Variants in ABCA5 observed in about 807,000 individuals in gnomAD.
ABCA5 encodes the protein ATP binding cassette subfamily A member 5, also known as cholesterol transporter ABCA5.
ABCA5 carries 163 observed loss-of-function variants against 206.0 expected under a neutral mutation model. That is an observed-to-expected ratio of 0.79 (90% CI 0.70 to 0.90). The LOEUF (loss-of-function observed/expected upper bound fraction) is 0.90, where lower values mean the gene tolerates loss of function less well. Among genes scored for constraint, ABCA5 ranks in the 40% least tolerant of loss-of-function variants. ABCA5 has a pLI of 0.00. For synonymous variants in ABCA5, 609 were observed against 613.8 expected, an observed-to-expected ratio of 0.99 and a Z score of 0.11; for missense variants, 1,859 against 1,912.9, an observed-to-expected ratio of 0.97 and a Z score of 0.53.
At chr17:69,280,024 T>C (rs2075374670) in intron 18 of ABCA5, among the ~76,000 whole-genome samples, 1 of 151,970 alleles carries the variant, frequency 6.6e-6, no homozygotes, top group Non-Finnish European at 1.5e-5. Context: ...AAAGACAAAA[T>C]TGACAAATGG....
At chr17:69,310,526 A>T (rs1024398190) in intron 3 of ABCA5, among the ~76,000 whole-genome samples, 1 of 152,188 alleles carries the variant, frequency 6.6e-6, no homozygotes, top group Admixed American at 6.6e-5. Flanking sequence ...TCAGAAACTA[A>T]ATAGGCATTT....
chr17:69,261,171 A>G lies in ABCA5; in HGVS notation c.3518T>C (p.Ile1173Thr). 6.2e-7 allele frequency: 1 copy of G among 1,605,324 alleles called. No homozygotes were observed. Among genetic ancestry groups the G allele is most frequent in the Non-Finnish European group, 8.5e-7 (1 of 1,175,160 alleles). Residue 1173 changes from isoleucine to threonine, a missense_variant, in exon 26 of 39, where the codon ATC becomes ACC. Physicochemically the swap from Ile to Thr is moderately conservative, Grantham distance 89 (BLOSUM62 -1). Transcript: ENST00000392676. ...ATILHYAFCI[I>T]IPIYPLLGCL... ...ACCTAGAAGTGGATAGATTGGAATG[A>G]TGATACAAAAGGCATAATGAAGAAT...
rs746299297 is a variant in ABCA5, at chr17:69,287,705, C to T, written c.1949G>A (p.Arg650Gln). The T allele has an allele frequency of 7.4e-6, 12 of 1,613,658 alleles. No individual in the cohort carries two copies. Among genetic ancestry groups the T allele is most frequent in the South Asian group, 2.2e-5 (2 of 91,058 alleles). The part of the protein sequence containing the change: ...EPTAGMDPCS[R>Q]HIVWNLLKYR... ...TTTTAAAAGATTCCATACAATATGT[C>T]GAGAACAGGGGTCCATTCCAGCTGT... The change falls in exon 15 of 39, where the codon CGA (arginine) becomes CAA (glutamine). Residue 650 changes from arginine to glutamine, a missense_variant. Transcript: ENST00000392676.
At chr17:69,301,396 C>A (rs2075651273) in intron 8 of ABCA5, 110 bp from the exon 9 acceptor site, 1 of 718,024 alleles carries the variant, frequency 1.4e-6, no homozygotes, top group South Asian at 3.1e-5. Flanking sequence ...ACCAACTGGG[C>A]CTTTTAATAG....
chr17:69,252,201 A>G (rs922743862), intron 34 of ABCA5, among the ~76,000 whole-genome samples: 1 of 151,854 alleles, frequency 6.6e-6, no homozygotes, highest in Admixed American at 6.6e-5. Context: ...TTTTTAATAG[A>G]GACGGGGTTT....
intron 7 of ABCA5, among the ~76,000 whole-genome samples, chr17:69,303,839 TAC>T (rs1310097704): frequency 1.0e-4 from 2 of 19,048 alleles, no homozygotes; most frequent in African/African-American, 3.3e-4. Flanking sequence ...TATATATATA[TAC>T]ATACATATAT....
Position 69,306,716 on chromosome 17 carries a change from A to G in ABCA5, c.788+9T>C. On this transcript the variant is annotated intron_variant, in intron 6 of 38. Coordinates refer to ENST00000392676, the MANE Select transcript of ABCA5 (RefSeq NM_172232.4). ...AATTATATTAAGTAATAAATTTTTA[A>G]TAACATACCAAAAGGCAGTATCATG... 7.8e-7 allele frequency: 1 copy of G among 1,288,912 alleles called. No individual in the cohort carries two copies. Among genetic ancestry groups the G allele is most frequent in the Non-Finnish European group, 1.0e-6 (1 of 979,154 alleles). The allele number at this position is 1,288,912 out of a possible 1,614,324, so 79.8% of individuals were successfully genotyped here.
intron 19 of ABCA5, 113 bp downstream of exon 19, chr17:69,277,528 C>T (rs1253347455): frequency 3.9e-5 from 32 of 824,812 alleles, no homozygotes; most frequent in African/African-American, 9.1e-5. Flanking sequence ...GGTAATCTTT[C>T]GAAACTATAT....
chr17:69,321,833 G>C (rs1452268946), intron 1 of ABCA5, among the ~76,000 whole-genome samples: 1 of 151,938 alleles, frequency 6.6e-6, no homozygotes, highest in Non-Finnish European at 1.5e-5. Context: ...TTGTTGTAGG[G>C]CTTTAAATAA....
chr17:69,252,802 A>G (rs1330359682), intron 34 of ABCA5, among the ~76,000 whole-genome samples: 1 of 146,600 alleles, frequency 6.8e-6, no homozygotes, highest in Non-Finnish European at 1.5e-5. Flanking sequence ...GCACCACTGC[A>G]CTCCAGCTTG....
intron 24 of ABCA5, 79 bp downstream of exon 24, chr17:69,264,654 TAA>T: frequency 2.0e-6 from 2 of 1,010,088 alleles, no homozygotes; most frequent in South Asian, 3.8e-5. Flanking sequence ...AATTATGCAA[TAA>T]GTCAACTGTC....
intron 1 of ABCA5, among the ~76,000 whole-genome samples, chr17:69,321,662 C>T (rs954447959): frequency 4.6e-5 from 7 of 151,950 alleles, no homozygotes; most frequent in African/African-American, 1.7e-4. Flanking sequence ...TGTATGGTTC[C>T]AACTCAAAAT....
Position 69,297,277 on chromosome 17 carries a change from T to A in ABCA5, c.1350A>T (p.Leu450Phe). 6.2e-7 allele frequency: 1 copy of A among 1,613,062 alleles called. No homozygotes were observed. The highest frequency in any genetic ancestry group is 8.5e-7 in the Non-Finnish European group (1 of 1,179,560). ...WSKSKRNYEE[L>F]SEGNVNGNIS... is the part of the protein sequence containing the mutation. ...TATTTCCATTAACATTGCCCTCTGA[T>A]AACTCCTCATAATTTCTTTTGCTCT... The change falls in exon 10 of 39, where the codon TTA becomes TTT. Residue 450 changes from leucine (L) to phenylalanine (F), a missense_variant. By Grantham distance (22) the Leu-to-Phe change is conservative. Coordinates refer to ENST00000392676, the MANE Select transcript of ABCA5 (RefSeq NM_172232.4).
chr17:69,292,861 C>G (rs1279298176), intron 11 of ABCA5, among the ~76,000 whole-genome samples: 2 of 152,112 alleles, frequency 1.3e-5, no homozygotes, highest in African/African-American at 4.8e-5. Context: ...ATACCTGTAT[C>G]TAACAAAGGT....
chr17:69,250,752 A>G, intron 35 of ABCA5, 131 bp from the exon 36 acceptor site: 1 of 566,414 alleles, frequency 1.8e-6, no homozygotes, highest in Non-Finnish European at 2.9e-6. Flanking sequence ...AAAATACAGC[A>G]TCCCCATACA....
intron 7 of ABCA5, among the ~76,000 whole-genome samples, chr17:69,303,758 C>A (rs2075676487): frequency 2.3e-4 from 1 of 4,324 alleles, no homozygotes; most frequent in African/African-American, 3.3e-4. Context: ...GACCTCGACT[C>A]TAAAAAAAAA....
intron 1 of ABCA5, among the ~76,000 whole-genome samples, chr17:69,323,626 T>G (rs893771320): frequency 6.6e-6 from 1 of 152,240 alleles, no homozygotes; most frequent in Admixed American, 6.5e-5. Context: ...ATTATTTATT[T>G]ATATATTTTC....
Position 69,285,944 on chromosome 17 carries a change from T to C in ABCA5, c.2226A>G (p.Gln742=), listed in dbSNP as rs768940624. Residue 742 remains glutamine, a synonymous_variant, in exon 17 of 39, where the codon CAA becomes CAG. Transcript: ENST00000392676. ...TGAAAGGCAAGCTATACACAAGTTG[T>C]TGGTCATTCTGTTGTAATAAAGTAG... ...PGATLLQQND[Q]QLVYSLPFKD... is the part of the protein sequence containing the mutation. 2.5e-6 allele frequency: 4 copies of C among 1,613,316 alleles called. No homozygotes were observed. In the South Asian group the frequency reaches 4.4e-5, roughly 18 times the overall value.
At chr17:69,290,178 C>T (rs953963821) in intron 12 of ABCA5, 141 bp from the exon 13 acceptor site, 1 of 524,374 alleles carries the variant, frequency 1.9e-6, no homozygotes, top group Non-Finnish European at 3.2e-6. Flanking sequence ...ACAACACACC[C>T]TTCAATATTA....
Sources: gnomAD v4.1 joint callset for allele counts (sites outside exome capture counted in the v4.1 genomes callset) on GRCh38, gnomAD v4.1.1 for gene constraint, MANE v1.5 for transcripts, NCBI Gene and HGNC (gene_info 2026-07-23, HGNC 2026-07-21) for gene names.